Variants in DOCK8 observed in about 807,000 individuals in gnomAD.
DOCK8 encodes dedicator of cytokinesis 8.
In DOCK8, 141 loss-of-function variants were observed where a neutral mutation model predicts 245.6. The observed-to-expected ratio is 0.57, with a 90% confidence interval of 0.50 to 0.66. The LOEUF (loss-of-function observed/expected upper bound fraction) is 0.66, where lower values mean the gene tolerates loss of function less well. Among genes scored for constraint, DOCK8 ranks in the 30% least tolerant of loss-of-function variants. The pLI, the probability that DOCK8 is intolerant of heterozygous loss-of-function variation, is 0.00. For synonymous variants in DOCK8, 1,168 were observed against 970.2 expected (o/e 1.20, Z -3.79); for missense variants, 2,965 against 2,603.4 (o/e 1.14, Z -3.02).
chr9:456,499 T>C (rs1476175149), intron 46 of DOCK8: 1 of 152,206 alleles, frequency 6.6e-6, no homozygotes, highest in African/African-American at 2.4e-5. Flanking sequence ...TGCTGAGAGC[T>C]AATAGCGGAA....
intron 1 of DOCK8, among the ~76,000 whole-genome samples, chr9:218,980 C>A (rs2046825016): frequency 6.6e-6 from 1 of 152,190 alleles, no homozygotes; most frequent in South Asian, 2.1e-4. Flanking sequence ...TCCAAACTCA[C>A]AAACAACTAA....
intron 14 of DOCK8, among the ~76,000 whole-genome samples, chr9:356,282 A>C (rs2131063273): frequency 6.6e-6 from 1 of 152,280 alleles, no homozygotes; most frequent in East Asian, 1.9e-4. Flanking sequence ...TAATCCCAGC[A>C]CTTTGGGAGA....
At chr9:246,187 C>T (rs1041620315) in intron 1 of DOCK8, among the ~76,000 whole-genome samples, 1 of 151,818 alleles carries the variant, frequency 6.6e-6, no homozygotes, top group Non-Finnish European at 1.5e-5. Flanking sequence ...CCACTGCACT[C>T]CATCCTAGGT....
rs765664430 is a variant in DOCK8 at position 215,038 on chromosome 9, C to A, written c.53+9C>A. The A allele has an allele frequency of 1.3e-6, 2 of 1,572,810 alleles. No homozygotes were observed. Among genetic ancestry groups the A allele is most frequent in the Admixed American group, 1.8e-5 (1 of 56,700 alleles). On this transcript the variant is annotated intron_variant, in intron 1 of 47. Coordinates refer to ENST00000432829, the MANE Select transcript of DOCK8 (RefSeq NM_203447.4). ...GCGCTCAAGATCAACAGGTAAGACGCCCCCCGCGGCGCGCAGGTTGCGGCC... is the reference window on the plus strand; with the variant it reads ...GCGCTCAAGATCAACAGGTAAGACGACCCCCGCGGCGCGCAGGTTGCGGCC...
In DOCK8 at chr9:293,490, C is replaced by G. The variant is rs553349601; in HGVS notation, c.404+3909C>G. Among the ~76,000 whole-genome samples the G allele has an allele frequency of 1.7e-4, 26 of 152,296 alleles. No individual in the cohort carries two copies. The South Asian group carries it at 5.2e-3, about 30-fold the overall frequency. On this transcript the variant is annotated intron_variant, in intron 4 of 47. Coordinates refer to ENST00000432829, the MANE Select transcript of DOCK8 (RefSeq NM_203447.4). ...AGGTGGTGATTCATATAAATGAAAC[C>G]AGCTGGAAGCTGTGATGCTTTCATA...
chr9:335,703 A>T (rs952832691), intron 11 of DOCK8, among the ~76,000 whole-genome samples: 3 of 152,068 alleles, frequency 2.0e-5, no homozygotes, highest in African/African-American at 7.2e-5. Context: ...GGCCTCAATC[A>T]TCTCTAGGTC....
chr9:407,083 A>C lies in DOCK8; in HGVS notation c.3530+14A>C, dbSNP rs1274177849. ...CGAAGGGGAAGGGTATGTTTCTGGC[A>C]TTTAAAATGGAAGATGAAGCCAAAA... On this transcript the variant is annotated intron_variant, in intron 28 of 47. Coordinates refer to ENST00000432829, the MANE Select transcript of DOCK8 (RefSeq NM_203447.4). The C allele has an allele frequency of 6.2e-7, 1 of 1,614,054 alleles. No individual in the cohort carries two copies. Among genetic ancestry groups the C allele is most frequent in the East Asian group, 2.2e-5 (1 of 44,880 alleles).
At chr9:399,381 C>G (rs1021193721) in intron 26 of DOCK8, 122 bp downstream of exon 26, 2 of 768,106 alleles carry the variant, frequency 2.6e-6, no homozygotes, top group East Asian at 2.6e-5. Context: ...TCCTACACAT[C>G]CTGTGTTTTG....
chr9:279,183 C>G (rs2048473023), intron 2 of DOCK8, among the ~76,000 whole-genome samples: 1 of 152,116 alleles, frequency 6.6e-6, no homozygotes, highest in Non-Finnish European at 1.5e-5. Context: ...ACTGGAATTG[C>G]CACTTGCAGA....
chr9:353,393 A>C (rs7027694), intron 14 of DOCK8, among the ~76,000 whole-genome samples: 96,178 of 152,090 alleles, frequency 0.63, 30,847 homozygotes, highest in East Asian at 0.82. Context: ...CAAGAATGAT[A>C]AAACAAGCAT....
intron 26 of DOCK8, among the ~76,000 whole-genome samples, chr9:400,602 TCACCAC>T (rs1217734193): frequency 1.2e-3 from 7 of 5,806 alleles, no homozygotes; most frequent in African/African-American, 3.4e-3. Flanking sequence ...ACCTCCACCA[TCACCAC>T]CACCACCTCC....
chr9:458,911 T>A (rs1232879612), intron 46 of DOCK8, among the ~76,000 whole-genome samples: 3 of 152,188 alleles, frequency 2.0e-5, no homozygotes, highest in Non-Finnish European at 4.4e-5. Flanking sequence ...CCCCAAAATG[T>A]TACTGCCATC....
intron 1 of DOCK8, among the ~76,000 whole-genome samples, chr9:236,784 C>G (rs9298840): frequency 0.25 from 38,797 of 152,146 alleles, 6,326 homozygotes; most frequent in African/African-American, 0.45. Context: ...GACTCAGGGA[C>G]CCAGGCTGCT....
intron 23 of DOCK8, among the ~76,000 whole-genome samples, chr9:387,301 G>A (rs991865242): frequency 3.3e-5 from 5 of 152,056 alleles, no homozygotes; most frequent in African/African-American, 4.8e-5. Context: ...AAACTAGCCG[G>A]GCATGATGGC....
chr9:308,551 G>C (rs897437322), intron 5 of DOCK8, among the ~76,000 whole-genome samples: 2 of 152,118 alleles, frequency 1.3e-5, no homozygotes, highest in Non-Finnish European at 2.9e-5. Context: ...AAGATTCCTT[G>C]GTACACGTAG....
intron 4 of DOCK8, among the ~76,000 whole-genome samples, chr9:302,226 T>C (rs12345855): frequency 7.9e-5 from 12 of 152,098 alleles, no homozygotes; most frequent in Non-Finnish European, 1.0e-4. Context: ...TTTGACGAAG[T>C]TGACAATAAC....
chr9:428,320 A>G (rs866170736), intron 34 of DOCK8, 42 bp from the exon 35 acceptor site: 1 of 1,613,476 alleles, frequency 6.2e-7, no homozygotes, highest in Non-Finnish European at 8.5e-7. Flanking sequence ...GTTCATTGGC[A>G]CAGTGCAGGG....
At chr9:249,059 C>T (rs1206829250) in intron 1 of DOCK8, among the ~76,000 whole-genome samples, 4 of 152,146 alleles carry the variant, frequency 2.6e-5, no homozygotes, top group Non-Finnish European at 4.4e-5. Context: ...CTTCTCCTTC[C>T]GCTCTTGGTA....
intron 37 of DOCK8, 64 bp downstream of exon 37, chr9:432,388 ATG>A: frequency 4.1e-6 from 6 of 1,462,638 alleles, no homozygotes; most frequent in Non-Finnish European, 5.7e-6. Flanking sequence ...TTGTGTATGT[ATG>A]TATGTACATA....
Sources: gnomAD v4.1 joint callset for allele counts (sites outside exome capture counted in the v4.1 genomes callset) on GRCh38, gnomAD v4.1.1 for gene constraint, MANE v1.5 for transcripts, NCBI Gene and HGNC (gene_info 2026-07-23, HGNC 2026-07-21) for gene names.